The following SCN11A variants were observed in gnomAD, a reference collection of about 807,000 sequenced individuals.
SCN11A encodes the protein sodium voltage-gated channel alpha subunit 11.
In SCN11A, 122 loss-of-function variants were observed where a neutral mutation model predicts 162.2. The observed-to-expected ratio is 0.75, with a 90% CI of 0.65 to 0.87. The LOEUF is 0.87. SCN11A is among the 40% of genes least tolerant of loss of function. The pLI is 0.00. For synonymous variants in SCN11A, 758 were observed against 751.5 expected, an observed-to-expected ratio of 1.01 and a Z score of -0.14; for missense variants, 2,015 against 2,181.6, an observed-to-expected ratio of 0.92 and a Z score of 1.52.
At position 38,950,215 on chromosome 3, in the gene SCN11A, G is replaced by A. The variant is rs1273613186; in HGVS notation, c.148C>T (p.Pro50Ser). 1 of 1,613,880 alleles carries A rather than the reference G, an allele frequency of 6.2e-7. No individual in the cohort carries two copies. Among genetic ancestry groups the A allele is most frequent in the African/African-American group, 1.3e-5 (1 of 74,844 alleles). Residue 50 changes from proline to serine, a missense_variant, in exon 5 of 30, where the codon CCT becomes TCT. By Grantham distance (74) the Pro-to-Ser change is moderately conservative. Coordinates refer to ENST00000302328, the MANE Select transcript of SCN11A (RefSeq NM_001349253.2). ...GCCTTTAGGTCAAGCTGAGGCCGAG[G>A]CTGGGGTACTTCTCCTGTCTGGTCT... Reference protein sequence around the residue: ...SKDQTGEVPQPRPQLDLKASR... With the variant: ...SKDQTGEVPQSRPQLDLKASR...
Position 38,847,108 on chromosome 3 carries a change from A to C in SCN11A, c.4962T>G (p.Pro1654=), listed in dbSNP as rs769170801. The change falls in exon 30 of 30, where the codon CCT becomes CCG. Residue 1654 remains proline (P), a synonymous_variant. Transcript: ENST00000302328. ...TTGGCTTTGCGACACGCAAAGGCTC[A>C]GGCAAGGCATCAGCAAAGTCAGAAA... The part of the protein sequence containing the change: ...SALSDFADAL[P]EPLRVAKPNK... 1 of 1,614,258 alleles carries C rather than the reference A, an allele frequency of 6.2e-7. No individual in the cohort carries two copies. The highest frequency in any genetic ancestry group is 8.5e-7 in the Non-Finnish European group (1 of 1,180,044).
intron 7 of SCN11A, among the ~76,000 whole-genome samples, chr3:38,934,633 G>A (rs1040223958): frequency 4.9e-4 from 74 of 152,040 alleles, no homozygotes; most frequent in Admixed American, 1.6e-3. Context: ...GACAAAGAAG[G>A]CCATTACATA....
intron 2 of SCN11A, among the ~76,000 whole-genome samples, chr3:38,976,733 T>C (rs2066852157): frequency 6.6e-6 from 1 of 152,158 alleles, no homozygotes; most frequent in Admixed American, 6.5e-5. Flanking sequence ...ATAATCTCAT[T>C]GGCTTCTCCC....
intron 2 of SCN11A, among the ~76,000 whole-genome samples, chr3:39,002,742 T>G (rs1043474016): frequency 1.3e-5 from 2 of 152,242 alleles, no homozygotes. Flanking sequence ...GTATGTTGGT[T>G]GCAAACCTTA....
intron 28 of SCN11A, among the ~76,000 whole-genome samples, chr3:38,862,082 A>C (rs2064973361): frequency 6.6e-6 from 1 of 152,180 alleles, no homozygotes; most frequent in Non-Finnish European, 1.5e-5. Flanking sequence ...AAAAGACATA[A>C]TCAGACAATT....
intron 2 of SCN11A, among the ~76,000 whole-genome samples, chr3:38,978,407 A>T (rs2066861966): frequency 1.3e-5 from 2 of 152,208 alleles, no homozygotes; most frequent in African/African-American, 4.8e-5. Context: ...GAACTTTGGG[A>T]GGCCCAGGTG....
chr3:38,939,830 G>C (rs2066412874), intron 7 of SCN11A, among the ~76,000 whole-genome samples: 1 of 151,854 alleles, frequency 6.6e-6, no homozygotes, highest in South Asian at 2.1e-4. Flanking sequence ...TTGAACCCGG[G>C]AGGAGGAGGT....
rs138445003 is a variant in SCN11A, at chr3:38,921,203, G to A, written c.765C>T (p.Asn255=). 1.4e-5 allele frequency: 23 copies of A among 1,614,088 alleles called. No individual in the cohort carries two copies. In the African/African-American group the frequency reaches 1.9e-4, roughly 13 times the overall value. Residue 255 remains asparagine (N), a synonymous_variant, in exon 10 of 30, where the codon AAC becomes AAT. Coordinates refer to ENST00000302328, the MANE Select transcript of SCN11A (RefSeq NM_001349253.2). ...ALLRSVKKLV[N]VIILTFFCLS... ...GGCAAAAGAAGGTGAGGATAATCAC[G>A]TTGACCAGCTTCTTCACAGAGCGTA...
chr3:38,872,344 G>A, intron 23 of SCN11A, 50 bp from the exon 24 acceptor site: 2 of 1,012,840 alleles, frequency 2.0e-6, no homozygotes, highest in Admixed American at 1.7e-5. Context: ...GTGTCCAGCT[G>A]GAAAGTCCAT....
chr3:39,004,376 C>T (rs773155021), intron 2 of SCN11A, among the ~76,000 whole-genome samples: 5 of 152,162 alleles, frequency 3.3e-5, no homozygotes, highest in Non-Finnish European at 7.3e-5. Flanking sequence ...TTCCGCTGGT[C>T]TGTGTGCCTG....
Position 38,886,231 on chromosome 3 carries a change from T to C in SCN11A, c.2843A>G (p.Glu948Gly). 6.2e-7 allele frequency: 1 copy of C among 1,608,070 alleles called. No homozygotes were observed. Among genetic ancestry groups the C allele is most frequent in the South Asian group, 1.1e-5 (1 of 90,880 alleles). ...TQPEPEQQAY[E>G]LHQENKKPTS... ...GGGCTTCTTGTTCTCCTGATGGAGC[T>C]CATAGGCCTAACACAGAGAGCCCAG... Residue 948 changes from glutamate (E) to glycine (G), a missense_variant, in exon 20 of 30, where the codon GAG becomes GGG. Physicochemically the swap from Glu to Gly is moderately conservative, Grantham distance 98 (BLOSUM62 -2). Transcript: ENST00000302328.
At chr3:38,974,289 AAGTT>A (rs1176540749) in intron 2 of SCN11A, among the ~76,000 whole-genome samples, 2 of 152,236 alleles carry the variant, frequency 1.3e-5, no homozygotes, top group Non-Finnish European at 2.9e-5. Flanking sequence ...TATGAAGAGA[AAGTT>A]AGTAAACTAA....
At chr3:38,986,476 C>A (rs929726727) in intron 2 of SCN11A, among the ~76,000 whole-genome samples, 2 of 152,176 alleles carry the variant, frequency 1.3e-5, no homozygotes, top group Admixed American at 6.5e-5. Context: ...TACTGAGTGG[C>A]CCACCAGGCT....
chr3:38,913,835 C>A (rs2065919926), intron 11 of SCN11A, among the ~76,000 whole-genome samples: 1 of 152,088 alleles, frequency 6.6e-6, no homozygotes, highest in South Asian at 2.1e-4. Context: ...GCTCTCTATT[C>A]TGTACATTGA....
chr3:38,951,270 G>C (rs867762777), intron 4 of SCN11A, among the ~76,000 whole-genome samples: 1 of 152,232 alleles, frequency 6.6e-6, no homozygotes, highest in East Asian at 1.9e-4. Context: ...CTGCCGGCCC[G>C]GGCAGTGAGG....
At chr3:38,870,861 C>A in intron 25 of SCN11A, 117 bp from the exon 26 acceptor site, 1 of 748,802 alleles carries the variant, frequency 1.3e-6, no homozygotes, top group Admixed American at 2.2e-5. Flanking sequence ...GATACCCCAA[C>A]CTTCTAGGAC....
chr3:39,047,025 ACCCCCCACCCCCACCCCCAT>A (rs1203100539), intron 1 of SCN11A, among the ~76,000 whole-genome samples: 6 of 47,694 alleles, frequency 1.3e-4, no homozygotes, highest in African/African-American at 1.8e-4. Context: ...ACAGCCCCCC[ACCCCCCACCCCCACCCCCAT>A]CCCCCCACCC....
At chr3:38,922,502 G>T (rs974513560) in intron 9 of SCN11A, among the ~76,000 whole-genome samples, 1 of 152,182 alleles carries the variant, frequency 6.6e-6, no homozygotes, top group Admixed American at 6.5e-5. Context: ...TGCATTTAAT[G>T]GGCCAAAATA....
At chr3:39,023,975 C>G (rs2031518168) in intron 2 of SCN11A, among the ~76,000 whole-genome samples, 1 of 152,124 alleles carries the variant, frequency 6.6e-6, no homozygotes, top group Non-Finnish European at 1.5e-5. Flanking sequence ...TTCAGTCCCC[C>G]TTCCCAATCA....
Sources: allele counts gnomAD v4.1 joint callset (sites outside exome capture counted in the v4.1 genomes callset), GRCh38; gene constraint gnomAD v4.1.1; transcripts MANE v1.5; gene names NCBI Gene and HGNC (gene_info 2026-07-23, HGNC 2026-07-21).